The following SLC25A48 variants were observed in gnomAD, a reference collection of about 807,000 sequenced individuals.
SLC25A48 encodes CTC-321K16.1.
In SLC25A48, 29 loss-of-function variants were observed where a neutral mutation model predicts 32.2. The observed-to-expected ratio is 0.90, with a 90% CI of 0.67 to 1.23. The LOEUF (loss-of-function observed/expected upper bound fraction) is 1.23, where lower values mean the gene tolerates loss of function less well. Among genes scored for constraint, SLC25A48 ranks in the 50% most tolerant of loss-of-function variants. SLC25A48 has a pLI of 0.00. For missense variants in SLC25A48, 399 were observed against 422.7 expected (o/e 0.94, Z 0.49); for synonymous variants, 164 against 172.3 (o/e 0.95, Z 0.38).
intron 3 of SLC25A48, among the ~76,000 whole-genome samples, chr5:135,808,397 A>G (rs1223137559): frequency 6.6e-6 from 1 of 152,098 alleles, no homozygotes; most frequent in Non-Finnish European, 1.5e-5. Flanking sequence ...AAGGATGATA[A>G]GAAACCCTAA....
At chr5:135,735,748 GT>G (rs1260601280) in intron 3 of SLC25A48, among the ~76,000 whole-genome samples, 1 of 152,154 alleles carries the variant, frequency 6.6e-6, no homozygotes, top group Non-Finnish European at 1.5e-5. Flanking sequence ...GAGGGTAGAA[GT>G]TAGGATGACA....
intron 3 of SLC25A48, among the ~76,000 whole-genome samples, chr5:135,721,786 T>C (rs1754961847): frequency 6.6e-6 from 1 of 152,230 alleles, no homozygotes; most frequent in South Asian, 2.1e-4. Context: ...CACAGCAGGC[T>C]GCTGACAGCC....
At chr5:135,708,995 G>T (rs1480930186) in intron 3 of SLC25A48, among the ~76,000 whole-genome samples, 31 of 152,172 alleles carry the variant, frequency 2.0e-4, no homozygotes, top group Admixed American at 2.0e-3. Flanking sequence ...TAGGCTGCTT[G>T]ACTATCCTGC....
At chr5:135,590,307 C>A (rs1409198129) in intron 1 of SLC25A48, among the ~76,000 whole-genome samples, 2 of 152,210 alleles carry the variant, frequency 1.3e-5, no homozygotes, top group Non-Finnish European at 2.9e-5. Flanking sequence ...ACCCTCTGAG[C>A]AAAGCCTGCC....
intron 6 of SLC25A48, among the ~76,000 whole-genome samples, chr5:135,878,750 T>C (rs1762227537): frequency 6.6e-6 from 1 of 152,222 alleles, no homozygotes; most frequent in African/African-American, 2.4e-5. Flanking sequence ...CTTAGAAAAT[T>C]ATACAGGAAT....
intron 3 of SLC25A48, among the ~76,000 whole-genome samples, chr5:135,790,183 A>G (rs1756988029): frequency 6.6e-6 from 1 of 151,812 alleles, no homozygotes; most frequent in Non-Finnish European, 1.5e-5. Flanking sequence ...ATATGATATT[A>G]TTCATAATAA....
chr5:135,803,158 A>T (rs1178767771), intron 3 of SLC25A48: 4 of 151,402 alleles, frequency 2.6e-5, no homozygotes, highest in African/African-American at 7.3e-5. Flanking sequence ...GATGTTATTC[A>T]TAATATTCTA....
intron 2 of SLC25A48, among the ~76,000 whole-genome samples, chr5:135,632,000 C>T (rs1561766936): frequency 6.6e-6 from 1 of 152,198 alleles, no homozygotes; most frequent in African/African-American, 2.4e-5. Flanking sequence ...TGTTGTTTTT[C>T]TTCAGAGCCC....
chr5:135,749,590 G>T (rs11959283), intron 3 of SLC25A48, among the ~76,000 whole-genome samples: 45,132 of 150,092 alleles, frequency 0.3, 6,878 homozygotes, highest in East Asian at 0.46. Flanking sequence ...ATTTTTTTTT[G>T]GGGTGGGGTG....
intron 3 of SLC25A48, among the ~76,000 whole-genome samples, chr5:135,719,360 G>A (rs761046862): frequency 1.3e-5 from 2 of 152,186 alleles, no homozygotes. Flanking sequence ...AGGTGTGTAT[G>A]GGTATGTGTC....
At chr5:135,691,218 G>A (rs886461579) in intron 3 of SLC25A48, among the ~76,000 whole-genome samples, 4 of 152,208 alleles carry the variant, frequency 2.6e-5, no homozygotes, top group African/African-American at 7.2e-5. Context: ...GGGTTAAAAG[G>A]TTGGATCCAG....
chr5:135,671,327 C>T (rs78857384), intron 3 of SLC25A48, among the ~76,000 whole-genome samples: 5,742 of 152,294 alleles, frequency 0.038, 136 homozygotes, highest in African/African-American at 0.067. Flanking sequence ...GTAGCAGGCT[C>T]TCTAGAAGGC....
At chr5:135,627,622 C>G (rs1201249408) in intron 1 of SLC25A48, among the ~76,000 whole-genome samples, 1 of 152,154 alleles carries the variant, frequency 6.6e-6, no homozygotes, top group African/African-American at 2.4e-5. Context: ...GGTACAAGGA[C>G]TCTCCTTCCC....
chr5:135,874,091 T>C lies in SLC25A48; in HGVS notation c.750T>C (p.Tyr250=). The C allele has an allele frequency of 6.6e-7, 1 of 1,524,110 alleles. No homozygotes were observed. The highest frequency in any genetic ancestry group is 2.5e-5 in the East Asian group (1 of 40,720). The allele number at this position is 1,524,110 out of a possible 1,614,324, so 94.4% of individuals were successfully genotyped here. Reference sequence around the variant, plus strand: ...GTCGACTCCAAGCTGATGGGGTTTATTTAAACAAATATAAAGGTGTCCTGG... The same window carrying C: ...GTCGACTCCAAGCTGATGGGGTTTACTTAAACAAATATAAAGGTGTCCTGG... The part of the protein sequence containing the change: ...VKSRLQADGV[Y]LNKYKGVLDC... Residue 250 remains tyrosine, a synonymous_variant, in exon 6 of 8, where the codon TAT becomes TAC. Coordinates refer to ENST00000681962, the MANE Select transcript of SLC25A48 (RefSeq NM_001349336.2).
chr5:135,672,958 AT>A (rs1247315918), intron 3 of SLC25A48, among the ~76,000 whole-genome samples: 1 of 152,182 alleles, frequency 6.6e-6, no homozygotes, highest in Non-Finnish European at 1.5e-5. Flanking sequence ...ATTTTCTAGA[AT>A]TTTTAATAAA....
intron 3 of SLC25A48, among the ~76,000 whole-genome samples, chr5:135,642,833 C>A (rs1278201690): frequency 6.6e-6 from 1 of 152,138 alleles, no homozygotes; most frequent in African/African-American, 2.4e-5. Context: ...GGTCCTGACT[C>A]AAATGTGGCT....
At chr5:135,796,283 C>T (rs372817423) in intron 3 of SLC25A48, among the ~76,000 whole-genome samples, 16 of 150,820 alleles carry the variant, frequency 1.1e-4, no homozygotes, top group African/African-American at 3.4e-4. Flanking sequence ...CAATATTCAG[C>T]GGGGGAGACG....
chr5:135,658,642 G>T (rs1315221575), intron 3 of SLC25A48, among the ~76,000 whole-genome samples: 1 of 152,216 alleles, frequency 6.6e-6, no homozygotes, highest in Non-Finnish European at 1.5e-5. Context: ...CCTAGCAGAG[G>T]TTCTCCATGA....
intron 3 of SLC25A48, among the ~76,000 whole-genome samples, chr5:135,692,547 A>C (rs899573497): frequency 2.0e-5 from 3 of 152,306 alleles, no homozygotes; most frequent in Admixed American, 6.5e-5. Context: ...AGGCTCTTTT[A>C]GTGTTCAAGA....
Sources: allele counts gnomAD v4.1 joint callset (sites outside exome capture counted in the v4.1 genomes callset), GRCh38; gene constraint gnomAD v4.1.1; transcripts MANE v1.5; gene names NCBI Gene and HGNC (gene_info 2026-07-23, HGNC 2026-07-21).